Variants in PABPC4 observed in about 807,000 individuals in gnomAD.
The protein encoded by PABPC4 is poly(A) binding protein cytoplasmic 4, also known as polyadenylate-binding protein 4.
In PABPC4, 15 loss-of-function variants were observed where a neutral mutation model predicts 74.5. The ratio of observed to expected loss-of-function variants is 0.20; its 90% CI spans 0.13 to 0.31. The LOEUF is 0.31. PABPC4 is among the 10% of genes least tolerant of loss of function. The pLI, the probability that PABPC4 is intolerant of heterozygous loss-of-function variation, is 1.00. For missense variants in PABPC4, 610 were observed against 853.5 expected, an observed-to-expected ratio of 0.71 and a Z score of 3.55; for synonymous variants, 345 against 303.0, an observed-to-expected ratio of 1.14 and a Z score of -1.44.
chr1:39,569,390 G>A (rs1175608444), intron 5 of PABPC4: 3 of 587,526 alleles, frequency 5.1e-6, no homozygotes, highest in Non-Finnish European at 6.1e-6. Flanking sequence ...TGATAGCTGA[G>A]GTGACAGGTA....
At chr1:39,565,070 A>G in intron 8 of PABPC4, 36 bp downstream of exon 8, 1 of 1,607,814 alleles carries the variant, frequency 6.2e-7, no homozygotes, top group Non-Finnish European at 8.5e-7. Flanking sequence ...GCCAGCCGGC[A>G]GGTTCCCAAG....
At position 39,567,488 on chromosome 1, in the gene PABPC4, G is replaced by A. The variant is rs180770841; in HGVS notation, c.972+263C>T. The stretch of plus-strand genomic sequence containing the variant: ...CCCCACACCGGCACGAGGCAGCAAG[G>A]AATGGGAAAGATTCAGGTGCTCTGA... On this transcript the variant is annotated intron_variant, in intron 7 of 15. Coordinates refer to ENST00000372858, the MANE Select transcript of PABPC4 (RefSeq NM_001135653.2). 812 of 599,252 alleles carry A rather than the reference G, an allele frequency of 1.4e-3. 1 individual carries two copies. The highest frequency in any genetic ancestry group is 3.0e-3 in the Admixed American group (164 of 53,880). The allele number at this position is 599,252 out of a possible 1,614,324, so 37.1% of individuals were successfully genotyped here.
At chr1:39,563,040 T>C in intron 12 of PABPC4, 1 of 153,616 alleles carries the variant, frequency 6.5e-6, no homozygotes, top group Non-Finnish European at 1.4e-5. Context: ...TAAAGAGTAA[T>C]CTCCTAAGCA....
chr1:39,572,109 G>A (rs1439451126), intron 2 of PABPC4, among the ~76,000 whole-genome samples: 2 of 152,062 alleles, frequency 1.3e-5, no homozygotes, highest in African/African-American at 4.8e-5. Flanking sequence ...CACTTCTCTG[G>A]TCCTCTACTT....
intron 8 of PABPC4, 39 bp from the exon 9 acceptor site, chr1:39,564,812 C>T: frequency 1.4e-6 from 2 of 1,463,776 alleles, no homozygotes; most frequent in African/African-American, 2.8e-5. Context: ...CCCTTAAGGA[C>T]TGAACCCATC....
At chr1:39,572,792 C>T in intron 1 of PABPC4, 1 of 494,726 alleles carries the variant, frequency 2.0e-6, no homozygotes, top group South Asian at 4.4e-5. Flanking sequence ...TACTTCATGA[C>T]AGAAGTCTAA....
At chr1:39,569,385 G>C in intron 5 of PABPC4, 1 of 584,574 alleles carries the variant, frequency 1.7e-6, no homozygotes, top group Non-Finnish European at 3.1e-6. Context: ...ACAACTGATA[G>C]CTGAGGTGAC....
chr1:39,571,895 A>AT (rs1375471045), intron 2 of PABPC4, among the ~76,000 whole-genome samples: 1 of 152,206 alleles, frequency 6.6e-6, no homozygotes, highest in Non-Finnish European at 1.5e-5. Context: ...ACAACAACAC[A>AT]TTTTAAGAGA....
chr1:39,560,998 T>C lies in PABPC4; in HGVS notation c.*138A>G. 1 of 386,306 alleles carries C rather than the reference T, an allele frequency of 2.6e-6. No individual in the cohort carries two copies. The highest frequency in any genetic ancestry group is 5.4e-6 in the Non-Finnish European group (1 of 184,028). 23.9% of individuals were successfully genotyped at this position (386,306 alleles called of 1,614,324 possible). ...AATTCTAGGTGCTTCATAATTGACC[T>C]TTTGATACAAAATGACCTATTAAAT... On this transcript the variant is annotated 3_prime_UTR_variant, in exon 16 of 16. Transcript: ENST00000372858.
intron 12 of PABPC4, 110 bp from the exon 13 acceptor site, chr1:39,562,526 G>C (rs1159419502): frequency 3.9e-6 from 3 of 770,306 alleles, no homozygotes; most frequent in Non-Finnish European, 6.4e-6. Context: ...GAGGAGAGGA[G>C]GTGGCTGTCC....
At chr1:39,562,518 G>A (rs973493351) in intron 12 of PABPC4, 102 bp from the exon 13 acceptor site, 1 of 823,890 alleles carries the variant, frequency 1.2e-6, no homozygotes, top group Non-Finnish European at 2.0e-6. Flanking sequence ...ATGTGAAAGA[G>A]GAGAGGAGGT....
At chr1:39,564,349 C>A in intron 10 of PABPC4, 74 bp downstream of exon 10, 2 of 1,548,782 alleles carry the variant, frequency 1.3e-6, no homozygotes, top group South Asian at 2.4e-5. Context: ...AACAAACTGA[C>A]CAACCCAGGA....
rs1645812425 is a variant in PABPC4, at chr1:39,564,827, A to G, written c.1246-54T>C. ...CCCTTAAGGACTGAACCCATCCTAG[A>G]GAAGTATCTCATCTCATCTCACTAA... On this transcript the variant is annotated intron_variant, in intron 8 of 15. Coordinates refer to ENST00000372858, the MANE Select transcript of PABPC4 (RefSeq NM_001135653.2). 9 of 1,366,122 alleles carry G rather than the reference A, an allele frequency of 6.6e-6. No homozygotes were observed. In the East Asian group the frequency reaches 6.9e-5, roughly 10 times the overall value. The allele number at this position is 1,366,122 out of a possible 1,614,324, so 84.6% of individuals were successfully genotyped here. A position where few individuals can be genotyped will look rare whatever the true frequency, so the allele number is the denominator to read the frequency against.
Position 39,569,879 on chromosome 1 carries a change from C to T in PABPC4, c.627G>A (p.Glu209=). ...GEEVDDESLK[E]LFSQFGKTLS... ...CCAACTTACCAAACTGACTGAATAGCTCTTTCAGACTCTCATCATCCACCT... is the reference window on the plus strand; with the variant it reads ...CCAACTTACCAAACTGACTGAATAGTTCTTTCAGACTCTCATCATCCACCT... The change falls in exon 4 of 16, where the codon GAG becomes GAA. Residue 209 remains glutamate (E), a synonymous_variant. Transcript: ENST00000372858. 1 of 1,614,024 alleles carries T rather than the reference C, an allele frequency of 6.2e-7. No homozygotes were observed. The highest frequency in any genetic ancestry group is 8.5e-7 in the Non-Finnish European group (1 of 1,180,014).
chr1:39,562,533 G>A, intron 12 of PABPC4, 117 bp from the exon 13 acceptor site: 1 of 722,552 alleles, frequency 1.4e-6, no homozygotes, highest in South Asian at 1.9e-5. Flanking sequence ...GGAGGTGGCT[G>A]TCCTTGCTCT....
At chr1:39,567,490 A>C (rs1645865381) in intron 7 of PABPC4, 2 of 596,316 alleles carry the variant, frequency 3.4e-6, no homozygotes, top group South Asian at 1.4e-5. Flanking sequence ...GCAGCAAGGA[A>C]TGGGAAAGAT....
chr1:39,564,942 T>C (rs999817371), intron 8 of PABPC4, among the ~76,000 whole-genome samples, 164 bp downstream of exon 8: 1 of 152,222 alleles, frequency 6.6e-6, no homozygotes, highest in Non-Finnish European at 1.5e-5. Context: ...CCACTGCCAC[T>C]GTGGGTGTGT....
chr1:39,570,194 C>G (rs562273736), intron 3 of PABPC4, among the ~76,000 whole-genome samples, 192 bp from the exon 4 acceptor site: 1 of 152,330 alleles, frequency 6.6e-6, no homozygotes. Flanking sequence ...CTGTGAGGAC[C>G]AGCCCCAGGG....
chr1:39,564,453 G>A lies in PABPC4; in HGVS notation c.1423C>T (p.Arg475Cys), dbSNP rs749447901. Residue 475 changes from arginine to cysteine, a missense_variant, in exon 10 of 16, where the codon CGT (arginine) becomes TGT (cysteine). By Grantham distance (180) the Arg-to-Cys change is radical (BLOSUM62 -3). Coordinates refer to ENST00000372858, the MANE Select transcript of PABPC4 (RefSeq NM_001135653.2). ...LAPTGNAPAS[R>C]GLPTTTQRVG... is the part of the protein sequence containing the mutation. ...CTCTGAGTGGTAGTAGGGAGGCCAC[G>A]AGAGGCCGGAGCATTACCAGTTGGA... 21 of 1,614,026 alleles carry A rather than the reference G, an allele frequency of 1.3e-5. No individual in the cohort carries two copies. Among genetic ancestry groups the A allele is most frequent in the South Asian group, 6.6e-5 (6 of 91,078 alleles).
Sources: gnomAD v4.1 joint callset for allele counts (sites outside exome capture counted in the v4.1 genomes callset) on GRCh38, gnomAD v4.1.1 for gene constraint, MANE v1.5 for transcripts, NCBI Gene and HGNC (gene_info 2026-07-23, HGNC 2026-07-21) for gene names.